Variants in ATXN7 observed in about 807,000 individuals in gnomAD.
ATXN7 encodes ataxin-7.
ATXN7 carries 12 observed loss-of-function variants against 70.5 expected under a neutral mutation model. That is an observed-to-expected ratio of 0.17 (90% CI 0.11 to 0.28). The LOEUF is 0.28. Among genes scored for constraint, ATXN7 ranks in the 10% least tolerant of loss-of-function variants. The pLI is 1.00. For missense variants in ATXN7, 1,256 were observed against 1,131.7 expected, an observed-to-expected ratio of 1.11 and a Z score of -1.58; for synonymous variants, 498 against 448.7, an observed-to-expected ratio of 1.11 and a Z score of -1.39.
rs2075185196 is a variant in ATXN7, at chr3:63,964,419, C to CCTAT, written c.499+11938_499+11941dup. 1.3e-5 allele frequency among the ~76,000 whole-genome samples: 2 copies of CCTAT among 152,098 alleles called. 1 individual carries two copies. Among genetic ancestry groups the CCTAT allele is most frequent in the South Asian group, 4.2e-4 (2 of 4,806 alleles). ...TATGGCCAGTTTTGTTTCTGATCTC[C>CCTAT]CTATCCTCTTTGCAGTTGGTATGAC... is the stretch of plus-strand genomic sequence containing the variant. On this transcript the variant is annotated intron_variant, in intron 5 of 12. Coordinates refer to ENST00000674280, the MANE Select transcript of ATXN7 (RefSeq NM_001377405.1).
Position 63,914,951 on chromosome 3 carries a change from C to G in ATXN7, c.394+1726C>G, listed in dbSNP as rs577849199. On this transcript the variant is annotated intron_variant, in intron 4 of 12. Coordinates refer to ENST00000674280, the MANE Select transcript of ATXN7 (RefSeq NM_001377405.1). ...TTGTTTTTTGAGACGGAGTCTCACT[C>G]TGTGGCCATGCTGGAGTGCAGTGGT... Among the ~76,000 whole-genome samples the G allele has an allele frequency of 6.6e-5, 10 of 152,214 alleles. No homozygotes were observed. In the South Asian group the frequency reaches 1.9e-3, roughly 28 times the overall value.
Position 63,996,329 on chromosome 3 carries a change from AAAG to A in ATXN7, c.2510_2512del (p.Arg837del). 6.2e-7 allele frequency: 1 copy of A among 1,614,196 alleles called. No individual in the cohort carries two copies. The highest frequency in any genetic ancestry group is 1.1e-5 in the South Asian group (1 of 91,086). ...CCTCTAGACAAACTCATAGGAAAGA[AAAG>A]AAAGTGCTCACCCAGCTCGAGCAGC... On this transcript the variant is annotated inframe_deletion, in exon 12 of 13. Coordinates refer to ENST00000674280, the MANE Select transcript of ATXN7 (RefSeq NM_001377405.1).
At chr3:63,949,272 T>TC (rs1179941559) in intron 4 of ATXN7, among the ~76,000 whole-genome samples, 3 of 151,442 alleles carry the variant, frequency 2.0e-5, no homozygotes, top group Non-Finnish European at 4.4e-5. Flanking sequence ...TTTTTTTTTT[T>TC]CCTGAAGAAG....
intron 2 of ATXN7, 42 bp from the exon 3 acceptor site, chr3:63,912,546 C>G: frequency 9.1e-7 from 1 of 1,093,866 alleles, no homozygotes; most frequent in Non-Finnish European, 1.1e-6. Context: ...TAAAAAACGG[C>G]CCCCGCGCGA....
chr3:63,882,458 C>T (rs1421503084), intron 1 of ATXN7, among the ~76,000 whole-genome samples: 3 of 148,978 alleles, frequency 2.0e-5, no homozygotes, highest in South Asian at 4.2e-4. Flanking sequence ...AATCTTGGCT[C>T]ACTGCAACCT....
In ATXN7 at chr3:63,912,657, C is replaced by G. The variant is rs1704078630; in HGVS notation, c.59C>G (p.Ala20Gly). Residue 20 changes from alanine to glycine, a missense_variant, in exon 3 of 13, where the codon GCG (alanine) becomes GGG (glycine). Transcript: ENST00000674280. ...RGEPRRAAAAAGGAAAAAARQ... is the reference protein window; with the variant it reads ...RGEPRRAAAAGGGAAAAAARQ... ...GAGCCGCGCCGCGCGGCGGCGGCGG[C>G]GGGCGGAGCAGCGGCCGCGGCCGCC... is the stretch of plus-strand genomic sequence containing the variant. 1 of 1,037,196 alleles carries G rather than the reference C, an allele frequency of 9.6e-7. No individual in the cohort carries two copies. Among genetic ancestry groups the G allele is most frequent in the Non-Finnish European group, 1.2e-6 (1 of 860,686 alleles). 64.2% of individuals were successfully genotyped at this position (1,037,196 alleles called of 1,614,324 possible).
intron 12 of ATXN7, chr3:63,997,545 C>T (rs1046282846): frequency 7.9e-7 from 1 of 1,270,300 alleles, no homozygotes; most frequent in South Asian, 1.3e-5. Context: ...TTACTGACCT[C>T]ACCTGTAGCT....
chr3:63,900,082 A>G (rs1484827642), intron 2 of ATXN7, among the ~76,000 whole-genome samples: 1 of 150,562 alleles, frequency 6.6e-6, no homozygotes, highest in Non-Finnish European at 1.5e-5. Context: ...ACCCCATGTT[A>G]AAAAACAAGC....
intron 4 of ATXN7, among the ~76,000 whole-genome samples, chr3:63,932,250 G>A (rs1247152042): frequency 1.3e-5 from 2 of 152,178 alleles, no homozygotes; most frequent in African/African-American, 4.8e-5. Flanking sequence ...ATTCACTGCT[G>A]TGTTTTCTGC....
intron 5 of ATXN7, chr3:63,968,002 G>C (rs2075254654): frequency 6.6e-7 from 1 of 1,520,742 alleles, no homozygotes; most frequent in African/African-American, 1.4e-5. Flanking sequence ...AGTTTTCAGA[G>C]TCTGGGCTTG....
intron 1 of ATXN7, among the ~76,000 whole-genome samples, chr3:63,875,003 T>G (rs531470729): frequency 6.6e-6 from 1 of 152,318 alleles, no homozygotes; most frequent in African/African-American, 2.4e-5. Context: ...CCTGGACCTC[T>G]TTCGTAATGG....
At chr3:63,944,836 G>A (rs2074832016) in intron 4 of ATXN7, among the ~76,000 whole-genome samples, 1 of 152,098 alleles carries the variant, frequency 6.6e-6, no homozygotes, top group East Asian at 1.9e-4. Context: ...CTGTCACCCA[G>A]GCTGAAGTGC....
In ATXN7 at chr3:63,990,306, G is replaced by A. The variant is rs748822196; in HGVS notation, c.1492G>A (p.Asp498Asn). The change falls in exon 10 of 13, where the codon GAT (aspartate) becomes AAT (asparagine). Residue 498 changes from aspartate to asparagine, a missense_variant. Transcript: ENST00000674280. ...SRLSSEEGEG[D>N]DKEESVEKLD... Reference sequence around the variant, plus strand: ...GTTATCCAGTGAGGAGGGCGAAGGCGATGACAAAGAAGAGTCTGTTGAAAA... The same window carrying A: ...GTTATCCAGTGAGGAGGGCGAAGGCAATGACAAAGAAGAGTCTGTTGAAAA... 9.4e-5 allele frequency: 151 copies of A among 1,614,024 alleles called. No individual in the cohort carries two copies. The highest frequency in any genetic ancestry group is 1.6e-4 in the Middle Eastern group (1 of 6,078).
chr3:63,918,732 G>A (rs1448428198), intron 4 of ATXN7, among the ~76,000 whole-genome samples: 1 of 152,176 alleles, frequency 6.6e-6, no homozygotes, highest in East Asian at 1.9e-4. Flanking sequence ...TAAAGGTTCT[G>A]CAGATGGCAG....
At chr3:63,925,551 C>G (rs973985700) in intron 4 of ATXN7, among the ~76,000 whole-genome samples, 1 of 152,190 alleles carries the variant, frequency 6.6e-6, no homozygotes, top group Non-Finnish European at 1.5e-5. Context: ...CCCTGACCCC[C>G]CCAACCCTGG....
Position 63,938,068 on chromosome 3 carries a change from A to G in ATXN7, c.395-14311A>G, listed in dbSNP as rs143128132. 2.0e-5 allele frequency among the ~76,000 whole-genome samples: 3 copies of G among 152,328 alleles called. No individual in the cohort carries two copies. In the East Asian group the frequency reaches 5.8e-4, roughly 29 times the overall value. ...AAATCTGGGAAGAAATAGGTGTTTT[A>G]GGTTGAGACATCAATCTGAATTGTA... On this transcript the variant is annotated intron_variant, in intron 4 of 12. Coordinates refer to ENST00000674280, the MANE Select transcript of ATXN7 (RefSeq NM_001377405.1).
chr3:63,994,217 G>T (rs1268114631), intron 11 of ATXN7, among the ~76,000 whole-genome samples: 1 of 152,044 alleles, frequency 6.6e-6, no homozygotes, highest in African/African-American at 2.4e-5. Context: ...CCTTGAATGG[G>T]GTTTTGGGTT....
chr3:63,990,531 C>A, intron 10 of ATXN7, 157 bp downstream of exon 10: 1 of 1,150,114 alleles, frequency 8.7e-7, no homozygotes, highest in Non-Finnish European at 1.2e-6. Context: ...GCAGCACACA[C>A]TCTGTACGGG....
chr3:63,973,952 G>T (rs1012896353), intron 5 of ATXN7, among the ~76,000 whole-genome samples: 2 of 152,184 alleles, frequency 1.3e-5, no homozygotes, highest in Admixed American at 6.5e-5. Flanking sequence ...ATAAAAATAG[G>T]TGAAGGGTGG....
Sources: gnomAD v4.1 joint callset for allele counts (sites outside exome capture counted in the v4.1 genomes callset) on GRCh38, gnomAD v4.1.1 for gene constraint, MANE v1.5 for transcripts, NCBI Gene and HGNC (gene_info 2026-07-23, HGNC 2026-07-21) for gene names.